CYYR1: variants seen among roughly 807,000 people sequenced by gnomAD.
CYYR1 encodes the protein cysteine and tyrosine rich 1.
CYYR1 carries 14 observed loss-of-function variants against 15.2 expected under a neutral mutation model. The ratio of observed to expected loss-of-function variants is 0.92; its 90% CI spans 0.61 to 1.44. The LOEUF is 1.44. Ranked by LOEUF, CYYR1 falls within the 40% of genes most tolerant of loss-of-function variation. The probability of loss-of-function intolerance (pLI) is 0.00; values close to 1 mark genes in which losing one functional copy is unlikely to be tolerated. For synonymous variants in CYYR1, 80 were observed against 77.4 expected, an observed-to-expected ratio of 1.03 and a Z score of -0.18; for missense variants, 228 against 209.5, an observed-to-expected ratio of 1.09 and a Z score of -0.54.
intron 3 of CYYR1, chr21:26,471,480 A>G (rs942718748): frequency 6.6e-6 from 1 of 152,232 alleles, no homozygotes; most frequent in Admixed American, 6.5e-5. Context: ...ATGAAAATCT[A>G]AGATATGACA....
intron 2 of CYYR1, among the ~76,000 whole-genome samples, chr21:26,488,538 C>T (rs1421135910): frequency 6.6e-6 from 1 of 152,120 alleles, no homozygotes; most frequent in African/African-American, 2.4e-5. Context: ...CAGGCATGAG[C>T]CACCATGCCT....
At chr21:26,495,956 T>A (rs1475435962) in intron 2 of CYYR1, among the ~76,000 whole-genome samples, 3 of 152,164 alleles carry the variant, frequency 2.0e-5, no homozygotes, top group Admixed American at 1.3e-4. Flanking sequence ...CTTCCCCAGT[T>A]ATTTAGCTGA....
intron 2 of CYYR1, among the ~76,000 whole-genome samples, chr21:26,498,931 C>T (rs758785974): frequency 4.6e-5 from 7 of 152,128 alleles, no homozygotes; most frequent in Non-Finnish European, 1.0e-4. Context: ...CCACTGGGTC[C>T]CTCCCACAAC....
chr21:26,480,161 C>G, intron 3 of CYYR1, 111 bp downstream of exon 3: 2 of 1,102,684 alleles, frequency 1.8e-6, no homozygotes, highest in East Asian at 5.0e-5. Context: ...TAGAAATACT[C>G]TATGAAATTG....
intron 1 of CYYR1, chr21:26,568,101 C>T (rs1275372101): frequency 6.6e-6 from 1 of 152,156 alleles, no homozygotes; most frequent in Non-Finnish European, 1.5e-5. Flanking sequence ...ACGATTTAGA[C>T]ACAAGGGAGA....
intron 2 of CYYR1, among the ~76,000 whole-genome samples, chr21:26,535,320 A>G (rs2065981376): frequency 6.6e-6 from 1 of 152,190 alleles, no homozygotes; most frequent in African/African-American, 2.4e-5. Flanking sequence ...CTGCTAGAGC[A>G]GGGTGGTACA....
At chr21:26,567,833 T>G (rs1268695723) in intron 1 of CYYR1, 1 of 152,220 alleles carries the variant, frequency 6.6e-6, no homozygotes, top group Non-Finnish European at 1.5e-5. Context: ...AAGATGATAC[T>G]TTACAAAGAG....
At chr21:26,551,898 G>A (rs222960) in intron 2 of CYYR1, 67,713 of 170,556 alleles carry the variant, frequency 0.4, 15,491 homozygotes, top group East Asian at 0.62. Flanking sequence ...ACCGAAGAGC[G>A]TTGCACGCTA....
At chr21:26,562,829 C>CACACACACACACAT (rs1555912082) in intron 2 of CYYR1, among the ~76,000 whole-genome samples, 32 of 150,834 alleles carry the variant, frequency 2.1e-4, no homozygotes, top group African/African-American at 7.5e-4. Flanking sequence ...CACACACACA[C>CACACACACACACAT]GGACAGACTT....
At chr21:26,488,205 G>A (rs1050006927) in intron 2 of CYYR1, among the ~76,000 whole-genome samples, 2 of 151,976 alleles carry the variant, frequency 1.3e-5, no homozygotes, top group African/African-American at 2.4e-5. Flanking sequence ...AAAGAAGTCT[G>A]AGGGTTGACT....
intron 2 of CYYR1, 89 bp downstream of exon 2, chr21:26,566,177 C>T (rs1601839516): frequency 2.1e-6 from 2 of 933,558 alleles, no homozygotes; most frequent in African/African-American, 1.7e-5. Context: ...CTCTTGCCCA[C>T]AACTATCACT....
rs1022878569 is a variant in CYYR1 at position 26,505,921 on chromosome 21, G to A, written c.177-25492C>T. On this transcript the variant is annotated intron_variant, in intron 2 of 3. Transcript: ENST00000652641. Reference sequence around the variant, plus strand: ...TAAAATCAAAGTACTGCCCCACTTTGACCCTTTCTCTGCTTTGTTAATCCT... The same window carrying A: ...TAAAATCAAAGTACTGCCCCACTTTAACCCTTTCTCTGCTTTGTTAATCCT... Among the ~76,000 whole-genome samples, 11 of 152,282 alleles carry A rather than the reference G, an allele frequency of 7.2e-5. No homozygotes were observed. The East Asian group carries it at 1.9e-3, about 27-fold the overall frequency.
chr21:26,528,679 CA>C (rs1218797249), intron 2 of CYYR1, among the ~76,000 whole-genome samples: 1 of 152,148 alleles, frequency 6.6e-6, no homozygotes, highest in Non-Finnish European at 1.5e-5. Flanking sequence ...TGAACTAACA[CA>C]GCAACTTTGT....
intron 2 of CYYR1, among the ~76,000 whole-genome samples, chr21:26,562,747 CACACACACACACAGAGACATACACAA>C (rs1477109928): frequency 4.4e-5 from 6 of 137,582 alleles, no homozygotes; most frequent in Admixed American, 1.5e-4. Flanking sequence ...CACACACACA[CACACACACACACAGAGACATACACAA>C]ACACACACAC....
At chr21:26,490,415 C>T (rs2065312418) in intron 2 of CYYR1, among the ~76,000 whole-genome samples, 1 of 151,892 alleles carries the variant, frequency 6.6e-6, no homozygotes, top group Admixed American at 6.6e-5. Flanking sequence ...ATTTTAGAGC[C>T]ATGTACTAGA....
chr21:26,483,412 C>CAAAAAA (rs10533983), intron 2 of CYYR1: 1 of 821,912 alleles, frequency 1.2e-6, no homozygotes. Flanking sequence ...TCTCTCCTAT[C>CAAAAAA]AAAAAAAAAA....
chr21:26,559,859 T>C (rs935889596), intron 2 of CYYR1, among the ~76,000 whole-genome samples: 5 of 152,160 alleles, frequency 3.3e-5, no homozygotes, highest in African/African-American at 9.7e-5. Flanking sequence ...TTATAATAAA[T>C]CTTGATGTCT....
chr21:26,531,775 G>A (rs2065933205), intron 2 of CYYR1, among the ~76,000 whole-genome samples: 1 of 152,030 alleles, frequency 6.6e-6, no homozygotes, highest in South Asian at 2.1e-4. Flanking sequence ...ATGTGGCCAG[G>A]GTATCCTTAG....
intron 1 of CYYR1, among the ~76,000 whole-genome samples, chr21:26,567,508 T>C (rs1329670890): frequency 2.0e-5 from 3 of 152,204 alleles, no homozygotes; most frequent in Admixed American, 6.5e-5. Flanking sequence ...AAATGATTTA[T>C]GTTTAACAAG....
Sources: gnomAD v4.1 joint callset for allele counts (sites outside exome capture counted in the v4.1 genomes callset) on GRCh38, gnomAD v4.1.1 for gene constraint, MANE v1.5 for transcripts, NCBI Gene and HGNC (gene_info 2026-07-23, HGNC 2026-07-21) for gene names.